Variants in TBC1D5 observed in about 807,000 individuals in gnomAD.
TBC1D5 encodes the protein TBC1 domain family member 5.
TBC1D5 carries 75 observed loss-of-function variants against 100.3 expected under a neutral mutation model. The ratio of observed to expected loss-of-function variants is 0.75; its 90% CI spans 0.62 to 0.91. The LOEUF (loss-of-function observed/expected upper bound fraction) is 0.91, where lower values mean the gene tolerates loss of function less well. TBC1D5 is among the 40% of genes least tolerant of loss of function. The pLI, the probability that TBC1D5 is intolerant of heterozygous loss-of-function variation, is 0.00. For missense variants in TBC1D5, 910 were observed against 942.4 expected, an observed-to-expected ratio of 0.97 and a Z score of 0.45; for synonymous variants, 323 against 325.6, an observed-to-expected ratio of 0.99 and a Z score of 0.09.
At chr3:17,668,096 A>C (rs1017560812) in intron 1 of TBC1D5, among the ~76,000 whole-genome samples, 1 of 149,282 alleles carries the variant, frequency 6.7e-6, no homozygotes, top group African/African-American at 2.4e-5. Flanking sequence ...CATTCCACTA[A>C]ATATATATAT....
intron 18 of TBC1D5, among the ~76,000 whole-genome samples, chr3:17,194,900 C>T (rs2070447528): frequency 6.6e-6 from 1 of 152,054 alleles, no homozygotes; most frequent in Admixed American, 6.6e-5. Flanking sequence ...GGATCATGTG[C>T]TACAAATATC....
intron 2 of TBC1D5, among the ~76,000 whole-genome samples, chr3:17,585,303 C>T (rs1190106900): frequency 1.3e-5 from 2 of 152,136 alleles, no homozygotes; most frequent in South Asian, 2.1e-4. Context: ...AAAAGTTAAA[C>T]ATGTTTCAAA....
chr3:17,352,099 T>C (rs1039942154), intron 13 of TBC1D5, among the ~76,000 whole-genome samples: 1 of 151,974 alleles, frequency 6.6e-6, no homozygotes, highest in Admixed American at 6.6e-5. Context: ...AAATTCTTTC[T>C]TGATGCTAAA....
At chr3:17,472,739 G>A (rs1375322369) in intron 3 of TBC1D5, among the ~76,000 whole-genome samples, 1 of 152,150 alleles carries the variant, frequency 6.6e-6, no homozygotes, top group Non-Finnish European at 1.5e-5. Context: ...AACAGCTACT[G>A]AAAGAAGAAA....
chr3:17,459,839 T>C (rs146967667), intron 3 of TBC1D5, among the ~76,000 whole-genome samples: 1 of 152,328 alleles, frequency 6.6e-6, no homozygotes, highest in East Asian at 1.9e-4. Context: ...GCACATGTCT[T>C]AGAAAAACAT....
chr3:17,232,512 A>G (rs1023801986), intron 17 of TBC1D5, among the ~76,000 whole-genome samples: 1 of 152,194 alleles, frequency 6.6e-6, no homozygotes, highest in Non-Finnish European at 1.5e-5. Flanking sequence ...CCATGCTATT[A>G]TACCCTTCTA....
At chr3:17,581,302 G>C (rs749825103) in intron 2 of TBC1D5, among the ~76,000 whole-genome samples, 1 of 152,148 alleles carries the variant, frequency 6.6e-6, no homozygotes, top group Non-Finnish European at 1.5e-5. Context: ...CTTCATAGCA[G>C]TATGAAAATG....
At position 17,181,179 on chromosome 3, in the gene TBC1D5, C is replaced by A. The variant is rs145405584; in HGVS notation, c.1852+3930G>T. ...TATTCTTGCTCAAGGAGCTCACACACCTCATCTTAGAACTAGCACATCCCA... is the reference window on the plus strand; with the variant it reads ...TATTCTTGCTCAAGGAGCTCACACAACTCATCTTAGAACTAGCACATCCCA... On this transcript the variant is annotated intron_variant, in intron 19 of 21. Coordinates refer to ENST00000253692, the Ensembl canonical transcript of TBC1D5. 4.9e-3 allele frequency among the ~76,000 whole-genome samples: 743 copies of A among 152,278 alleles called. 3 individuals are homozygous for A. Among genetic ancestry groups the A allele is most frequent in the African/African-American group, 0.017 (709 of 41,552 alleles).
chr3:17,484,480 G>C (rs890084204), intron 3 of TBC1D5, among the ~76,000 whole-genome samples: 3 of 148,052 alleles, frequency 2.0e-5, no homozygotes, highest in Non-Finnish European at 4.5e-5. Context: ...GTGTGTGTGT[G>C]TGTGTGTGTT....
chr3:17,404,839 CA>C, intron 6 of TBC1D5, 32 bp downstream of exon 6: 1 of 1,559,316 alleles, frequency 6.4e-7, no homozygotes, highest in Non-Finnish European at 8.7e-7. Context: ...CATAAGAAAA[CA>C]ATTACATTAA....
chr3:17,382,533 A>C (rs1380218413), intron 9 of TBC1D5, among the ~76,000 whole-genome samples: 5 of 151,210 alleles, frequency 3.3e-5, no homozygotes, highest in Non-Finnish European at 7.4e-5. Context: ...TTTTCTATTT[A>C]TTCGATTCTT....
chr3:17,596,645 G>A (rs1304170803), intron 2 of TBC1D5, among the ~76,000 whole-genome samples: 1 of 147,540 alleles, frequency 6.8e-6, no homozygotes, highest in Non-Finnish European at 1.5e-5. Context: ...AGGAGGCGGA[G>A]GTTGCAGTGA....
At chr3:17,289,185 C>A (rs1228592523) in intron 15 of TBC1D5, among the ~76,000 whole-genome samples, 2 of 152,204 alleles carry the variant, frequency 1.3e-5, no homozygotes, top group Non-Finnish European at 2.9e-5. Context: ...CTCAGAACAG[C>A]TGGCCAGACC....
chr3:17,309,869 T>A (rs1370620037), intron 13 of TBC1D5, among the ~76,000 whole-genome samples: 2 of 152,118 alleles, frequency 1.3e-5, no homozygotes, highest in East Asian at 1.9e-4. Flanking sequence ...CCGATACAAA[T>A]GTTTGCACTC....
At chr3:17,446,701 G>T (rs1248598654) in intron 3 of TBC1D5, among the ~76,000 whole-genome samples, 2 of 152,220 alleles carry the variant, frequency 1.3e-5, no homozygotes, top group African/African-American at 4.8e-5. Context: ...GCCGGGCGCG[G>T]TGGCTCGCGC....
intron 3 of TBC1D5, among the ~76,000 whole-genome samples, chr3:17,465,798 T>C (rs2095291186): frequency 6.6e-6 from 1 of 152,236 alleles, no homozygotes; most frequent in African/African-American, 2.4e-5. Context: ...GTCTAACTAG[T>C]AAGAGAAGGA....
intron 17 of TBC1D5, among the ~76,000 whole-genome samples, chr3:17,237,546 C>T (rs2075959171): frequency 6.6e-6 from 1 of 152,216 alleles, no homozygotes; most frequent in East Asian, 1.9e-4. Context: ...GCAGTGCCCT[C>T]ACTTACCCAT....
rs1244502612 is a variant in TBC1D5, at chr3:17,704,583, G to A, written c.-101+34760C>T. 1.1e-4 allele frequency among the ~76,000 whole-genome samples: 9 copies of A among 79,668 alleles called. 3 individuals are homozygous for A. The highest frequency in any genetic ancestry group is 5.4e-4 in the Admixed American group (4 of 7,390). 52.3% of individuals were successfully genotyped at this position (79,668 alleles called of 152,430 possible). On this transcript the variant is annotated intron_variant, in intron 1 of 21. Coordinates refer to ENST00000253692, the Ensembl canonical transcript of TBC1D5. ...CCCCCACCTCCCTCCCGGACGGGGC[G>A]GCTGGCCGGGCGGGGGGCCGACACC...
chr3:17,466,752 T>C (rs2095307470), intron 3 of TBC1D5, among the ~76,000 whole-genome samples: 1 of 150,950 alleles, frequency 6.6e-6, no homozygotes, highest in Non-Finnish European at 1.5e-5. Flanking sequence ...CTTAACACCT[T>C]ATATGCAAAA....
Sources: gnomAD v4.1 joint callset for allele counts (sites outside exome capture counted in the v4.1 genomes callset) on GRCh38, gnomAD v4.1.1 for gene constraint, MANE v1.5 for transcripts, NCBI Gene and HGNC (gene_info 2026-07-23, HGNC 2026-07-21) for gene names.